CNNM4: variants seen among roughly 807,000 people sequenced by gnomAD.
The protein encoded by CNNM4 is cyclin and CBS domain divalent metal cation transport mediator 4.
CNNM4 carries 32 observed loss-of-function variants against 53.7 expected under a neutral mutation model. That is an observed-to-expected ratio of 0.60 (90% CI 0.45 to 0.80). CNNM4 has a LOEUF of 0.80. Ranked by LOEUF, CNNM4 falls within the 30% of genes least tolerant of loss-of-function variation. The pLI is 0.00. For synonymous variants in CNNM4, 410 were observed against 440.0 expected (o/e 0.93, Z 0.85); for missense variants, 784 against 1,022.0 (o/e 0.77, Z 3.17).
At position 96,761,170 on chromosome 2, in the gene CNNM4, G is replaced by A. The variant is rs753958153; in HGVS notation, c.171G>A (p.Ser57=). Residue 57 remains serine (S), a synonymous_variant, in exon 1 of 7, where the codon TCG becomes TCA. Coordinates refer to ENST00000377075, the MANE Select transcript of CNNM4 (RefSeq NM_020184.4). The surrounding 1 kb of genome is among the most constrained non-coding windows in gnomAD (Gnocchi z 6.0). ...VGMRLASCNK[S]CGTNPDGIIF... is the part of the protein sequence containing the mutation. Reference sequence around the variant, plus strand: ...TGAGGCTGGCGAGCTGCAACAAGTCGTGTGGGACGAACCCGGATGGCATCA... The same window carrying A: ...TGAGGCTGGCGAGCTGCAACAAGTCATGTGGGACGAACCCGGATGGCATCA... 5 of 1,612,400 alleles carry A rather than the reference G, an allele frequency of 3.1e-6. No homozygotes were observed. The highest frequency in any genetic ancestry group is 4.2e-6 in the Non-Finnish European group (5 of 1,178,726).
chr2:96,761,416 C>T lies in CNNM4; in HGVS notation c.417C>T (p.Leu139=), dbSNP rs764233273. The change falls in exon 1 of 7, where the codon CTC becomes CTT. Residue 139 remains leucine, a synonymous_variant. Coordinates refer to ENST00000377075, the MANE Select transcript of CNNM4 (RefSeq NM_020184.4). The surrounding 1 kb of genome is among the most constrained non-coding windows in gnomAD (Gnocchi z 6.0). ...SGVLVVLTKF[L]RRSESMKLYA... is the part of the protein sequence containing the mutation. ...TGCTGGTGGTGCTCACCAAGTTCCT[C>T]CGGAGGAGCGAGAGCATGAAGCTGT... 6.2e-7 allele frequency: 1 copy of T among 1,614,102 alleles called. No homozygotes were observed. The highest frequency in any genetic ancestry group is 8.5e-7 in the Non-Finnish European group (1 of 1,180,018).
intron 5 of CNNM4, among the ~76,000 whole-genome samples, chr2:96,803,910 G>A (rs1273739499): frequency 2.0e-5 from 3 of 151,936 alleles, no homozygotes; most frequent in Non-Finnish European, 4.4e-5. Context: ...TTGTTTGTTT[G>A]TTTTAAGAGA....
chr2:96,791,772 C>T (rs2079064332), intron 1 of CNNM4, among the ~76,000 whole-genome samples: 1 of 152,110 alleles, frequency 6.6e-6, no homozygotes. Context: ...ACCAGCAATT[C>T]ATGTGGCTTA....
intron 1 of CNNM4, among the ~76,000 whole-genome samples, chr2:96,783,900 G>A (rs1291493084): frequency 6.6e-6 from 1 of 152,118 alleles, no homozygotes; most frequent in Non-Finnish European, 1.5e-5. Flanking sequence ...AATTTAAAAA[G>A]CAGCGTACAA....
intron 1 of CNNM4, among the ~76,000 whole-genome samples, chr2:96,768,056 C>G (rs753500464): frequency 5.9e-5 from 9 of 152,198 alleles, no homozygotes; most frequent in Non-Finnish European, 1.2e-4. Context: ...GAGCAAGACT[C>G]TGTCTCAAAA....
rs570705182 is a variant in CNNM4 at position 96,802,826 on chromosome 2, C to T, written c.1948+3178C>T. ...TGCTCCTGATGCCTGTCCGGGGAGTCGGTGGGAATAGGGTCAGACTCATTC... is the reference window on the plus strand; with the variant it reads ...TGCTCCTGATGCCTGTCCGGGGAGTTGGTGGGAATAGGGTCAGACTCATTC... On this transcript the variant is annotated intron_variant, in intron 5 of 6. Coordinates refer to ENST00000377075, the MANE Select transcript of CNNM4 (RefSeq NM_020184.4). Among the ~76,000 whole-genome samples the T allele has an allele frequency of 2.6e-5, 4 of 152,238 alleles. No individual in the cohort carries two copies. In the East Asian group the frequency reaches 5.8e-4, roughly 22 times the overall value.
At chr2:96,799,248 C>A in intron 4 of CNNM4, 22 bp downstream of exon 4, 1 of 1,613,892 alleles carries the variant, frequency 6.2e-7, no homozygotes, top group Non-Finnish European at 8.5e-7. Context: ...CAGCCCTGGG[C>A]CTGCCACCTG....
chr2:96,802,914 G>A (rs1386845461), intron 5 of CNNM4, among the ~76,000 whole-genome samples: 1 of 152,132 alleles, frequency 6.6e-6, no homozygotes, highest in Non-Finnish European at 1.5e-5. Flanking sequence ...GACGGTGCTG[G>A]TCTCATCAGG....
chr2:96,775,609 A>G (rs868727561), intron 1 of CNNM4, among the ~76,000 whole-genome samples: 1 of 152,184 alleles, frequency 6.6e-6, no homozygotes, highest in Non-Finnish European at 1.5e-5. Flanking sequence ...GAGTTTTACA[A>G]AGTGCTTGTA....
intron 1 of CNNM4, among the ~76,000 whole-genome samples, chr2:96,791,858 A>G (rs1308669891): frequency 2.0e-5 from 3 of 152,008 alleles, no homozygotes; most frequent in African/African-American, 7.2e-5. Context: ...AAAATTCCAA[A>G]TTTTTCATAA....
Position 96,761,744 on chromosome 2 carries a change from G to C in CNNM4, c.745G>C (p.Gly249Arg), listed in dbSNP as rs757849001. ...CTACCTTCTCTGCTCGTTGCTCCTA[G>C]GGAACGTGCTGGTCAACACCTCCCT... ...GNYLLCSLLL[G>R]NVLVNTSLTI... The change falls in exon 1 of 7, where the codon GGG becomes CGG. Residue 249 changes from glycine (G) to arginine (R), a missense_variant. Around this residue, in one of 3 missense-constraint regions of CNNM4, gnomAD observed 473 missense variants for 624.6 expected, o/e 0.76. Transcript: ENST00000377075. The surrounding 1 kb of genome is among the most constrained non-coding windows in gnomAD (Gnocchi z 6.0). 3 of 1,610,468 alleles carry C rather than the reference G, an allele frequency of 1.9e-6. No individual in the cohort carries two copies. The highest frequency in any genetic ancestry group is 2.5e-6 in the Non-Finnish European group (3 of 1,179,982).
At chr2:96,766,439 T>C (rs2078819809) in intron 1 of CNNM4, among the ~76,000 whole-genome samples, 1 of 152,146 alleles carries the variant, frequency 6.6e-6, no homozygotes, top group South Asian at 2.1e-4. Context: ...GGTTGTTTCC[T>C]TGGGCTGGAA....
At chr2:96,783,188 A>G (rs1257928394) in intron 1 of CNNM4, among the ~76,000 whole-genome samples, 1 of 152,196 alleles carries the variant, frequency 6.6e-6, no homozygotes, top group Admixed American at 6.5e-5. Context: ...CAATTGAGCA[A>G]AGGTACAGCG....
intron 1 of CNNM4, among the ~76,000 whole-genome samples, chr2:96,774,763 A>C (rs2153345636): frequency 6.6e-6 from 1 of 152,202 alleles, no homozygotes; most frequent in East Asian, 1.9e-4. Context: ...TAGGAGTTCG[A>C]GACCAGCCTG....
chr2:96,762,509 C>A, intron 1 of CNNM4, 108 bp downstream of exon 1: 1 of 1,077,240 alleles, frequency 9.3e-7, no homozygotes, highest in Non-Finnish European at 1.4e-6. Flanking sequence ...GACTCTGTGT[C>A]CCTTTGCCTA....
intron 1 of CNNM4, among the ~76,000 whole-genome samples, chr2:96,786,998 C>T (rs1453626241): frequency 2.0e-5 from 3 of 152,170 alleles, no homozygotes; most frequent in Non-Finnish European, 4.4e-5. Flanking sequence ...TCCTACTCTA[C>T]TGTTTTGGAA....
intron 1 of CNNM4, among the ~76,000 whole-genome samples, chr2:96,795,548 C>T (rs1382394475): frequency 6.6e-6 from 1 of 152,064 alleles, no homozygotes; most frequent in Non-Finnish European, 1.5e-5. Flanking sequence ...TGAGACCTCA[C>T]ATTCTCTCTG....
At chr2:96,778,323 C>T (rs940006077) in intron 1 of CNNM4, among the ~76,000 whole-genome samples, 30 of 151,296 alleles carry the variant, frequency 2.0e-4, no homozygotes, top group African/African-American at 7.3e-4. Flanking sequence ...TTTTGGAGGC[C>T]GAGGCAGGCA....
At chr2:96,787,972 G>A (rs548693180) in intron 1 of CNNM4, among the ~76,000 whole-genome samples, 1 of 152,338 alleles carries the variant, frequency 6.6e-6, no homozygotes, top group East Asian at 1.9e-4. Flanking sequence ...GCCCAGGCTG[G>A]AGTGCAGTAG....
Sources: gnomAD v4.1 joint callset for allele counts (sites outside exome capture counted in the v4.1 genomes callset) on GRCh38, gnomAD v4.1.1 for gene constraint, gnomAD v4.1.1 regional missense constraint, Gnocchi (gnomAD v3.1) non-coding constraint, MANE v1.5 for transcripts, NCBI Gene and HGNC (gene_info 2026-07-23, HGNC 2026-07-21) for gene names.